The following CPB1 variants were observed in gnomAD, a reference collection of about 807,000 sequenced individuals.
The protein encoded by CPB1 is carboxypeptidase B1.
Under a neutral mutation model 51.4 loss-of-function variants are expected in CPB1, and 53 were observed. That is an observed-to-expected ratio of 1.03 (90% CI 0.83 to 1.30). The LOEUF is 1.30. Ranked by LOEUF, CPB1 falls within the 50% of genes most tolerant of loss-of-function variation. The pLI is 0.00. For missense variants in CPB1, 494 were observed against 516.2 expected, an observed-to-expected ratio of 0.96 and a Z score of 0.42; for synonymous variants, 189 against 186.9, an observed-to-expected ratio of 1.01 and a Z score of -0.09.
chr3:148,853,745 T>G (rs1025412588), intron 9 of CPB1, among the ~76,000 whole-genome samples: 5 of 152,102 alleles, frequency 3.3e-5, no homozygotes, highest in Non-Finnish European at 7.4e-5. Context: ...CAAGGAGAAG[T>G]GAAAAAGAGC....
chr3:148,833,076 A>G (rs1249432352), intron 2 of CPB1, among the ~76,000 whole-genome samples: 2 of 152,090 alleles, frequency 1.3e-5, no homozygotes, highest in Admixed American at 6.5e-5. Context: ...TCTCTCCACA[A>G]TGTTGGCTAA....
intron 9 of CPB1, chr3:148,851,707 G>A (rs185440733): frequency 5.2e-5 from 8 of 152,500 alleles, no homozygotes; most frequent in Admixed American, 1.3e-4. Flanking sequence ...AGAGAAAAGA[G>A]CCAACAAATG....
chr3:148,841,810 T>C lies in CPB1; in HGVS notation c.475-13T>C, dbSNP rs1161882106. 6.2e-7 allele frequency: 1 copy of C among 1,610,038 alleles called. No individual in the cohort carries two copies. Among genetic ancestry groups the C allele is most frequent in the African/African-American group, 1.3e-5 (1 of 74,812 alleles). ...ATGAATCATGGTTTCCCTTTTCCTT[T>C]TGTTTGCAATAGGTTGGCAAAGCTG... On this transcript the variant is annotated splice_polypyrimidine_tract_variant and intron_variant, in intron 5 of 10. Transcript: ENST00000282957.
At chr3:148,846,758 T>C (rs201863208) in intron 9 of CPB1, among the ~76,000 whole-genome samples, 98 of 384 alleles carry the variant, frequency 0.26, 3 homozygotes, top group African/African-American at 0.4. Flanking sequence ...TATATATACA[T>C]ATATATATAT....
intron 9 of CPB1, chr3:148,854,425 C>A (rs558247733): frequency 1.3e-5 from 2 of 151,458 alleles, no homozygotes; most frequent in Non-Finnish European, 2.9e-5. Flanking sequence ...CTTTTTTTGT[C>A]TTTTGGCCTT....
intron 2 of CPB1, among the ~76,000 whole-genome samples, chr3:148,832,652 C>T (rs754978081): frequency 2.0e-5 from 3 of 152,198 alleles, no homozygotes; most frequent in Non-Finnish European, 4.4e-5. Context: ...ATTATCCCAC[C>T]TGAGAGGTGA....
chr3:148,831,490 G>T (rs1008903175), intron 2 of CPB1, among the ~76,000 whole-genome samples: 4 of 152,138 alleles, frequency 2.6e-5, no homozygotes, highest in Non-Finnish European at 5.9e-5. Context: ...AAGAAAAAAA[G>T]ATCCCCAACA....
At chr3:148,833,828 G>A (rs768739650) in intron 2 of CPB1, among the ~76,000 whole-genome samples, 1 of 151,828 alleles carries the variant, frequency 6.6e-6, no homozygotes, top group African/African-American at 2.4e-5. Flanking sequence ...GCCCACTAAT[G>A]TATTCCTAGT....
chr3:148,844,406 C>T, intron 6 of CPB1, 72 bp from the exon 7 acceptor site: 1 of 1,084,584 alleles, frequency 9.2e-7, no homozygotes, highest in Non-Finnish European at 1.4e-6. Flanking sequence ...TAACATTCAA[C>T]AGTCTTTGTA....
intron 9 of CPB1, among the ~76,000 whole-genome samples, chr3:148,852,844 C>T (rs1049563728): frequency 1.3e-5 from 2 of 152,148 alleles, no homozygotes; most frequent in South Asian, 2.1e-4. Flanking sequence ...CTGTGGAAAT[C>T]GGCAGGCCTG....
chr3:148,829,269 C>CT (rs1384328133), intron 2 of CPB1, among the ~76,000 whole-genome samples: 1 of 152,088 alleles, frequency 6.6e-6, no homozygotes, highest in African/African-American at 2.4e-5. Flanking sequence ...GTCTATATTT[C>CT]TTTTTTTAAA....
intron 2 of CPB1, among the ~76,000 whole-genome samples, chr3:148,832,955 C>A (rs796836827): frequency 9.2e-5 from 14 of 152,272 alleles, no homozygotes; most frequent in African/African-American, 3.4e-4. Flanking sequence ...AAAGACATAT[C>A]TCTCTCTCCC....
chr3:148,832,260 TGAG>T (rs1712759855), intron 2 of CPB1, among the ~76,000 whole-genome samples: 1 of 152,036 alleles, frequency 6.6e-6, no homozygotes, highest in South Asian at 2.1e-4. Context: ...GGGTAAGAGC[TGAG>T]GAGGATACAG....
rs751368980 is a variant in CPB1, at chr3:148,852,235, A to G, written c.982-5222A>G. Among the ~76,000 whole-genome samples the G allele has an allele frequency of 1.3e-3, 193 of 152,308 alleles. 2 individuals are homozygous for G. The highest frequency in any genetic ancestry group is 0.01 in the Middle Eastern group (3 of 294). On this transcript the variant is annotated intron_variant, in intron 9 of 10. Coordinates refer to ENST00000282957, the MANE Select transcript of CPB1 (RefSeq NM_001871.3). ...TTCCTAAAATAAATTCTAGTTTACCATAACTAAATATTTTATATGACTTCC... is the reference window on the plus strand; with the variant it reads ...TTCCTAAAATAAATTCTAGTTTACCGTAACTAAATATTTTATATGACTTCC...
At chr3:148,857,597 A>G in intron 10 of CPB1, 56 bp downstream of exon 10, 1 of 1,376,854 alleles carries the variant, frequency 7.3e-7, no homozygotes, top group Non-Finnish European at 1.0e-6. Flanking sequence ...AGCCAACGAA[A>G]GGTTCCTGGG....
In CPB1 at chr3:148,859,859, A is replaced by T; in HGVS notation, c.1111A>T (p.Ile371Phe). The T allele has an allele frequency of 1.9e-6, 3 of 1,614,106 alleles. No homozygotes were observed. Among genetic ancestry groups the T allele is most frequent in the Non-Finnish European group, 2.5e-6 (3 of 1,179,984 alleles). The change falls in exon 11 of 11, where the codon ATC becomes TTC. Residue 371 changes from isoleucine (I) to phenylalanine (F), a missense_variant. Physicochemically the swap from Ile to Phe is conservative, Grantham distance 21. Transcript: ENST00000282957. Reference sequence around the variant, plus strand: ...TGACGACTGGGCTTATGACCAAGGAATCAGATATTCCTTCACCTTTGAACT... The same window carrying T: ...TGACGACTGGGCTTATGACCAAGGATTCAGATATTCCTTCACCTTTGAACT... Reference protein sequence around the residue: ...GSDDWAYDQGIRYSFTFELRD... With the variant: ...GSDDWAYDQGFRYSFTFELRD...
chr3:148,840,768 TACA>T lies in CPB1; in HGVS notation c.360_362del (p.Asn120del), dbSNP rs1262275479. ...TGCAACAGGACACAGTTATGAGAAG[TACA>T]ACAAGTGGGAAACGGTATGATGTGC... On this transcript the variant is annotated inframe_deletion, in exon 4 of 11. Transcript: ENST00000282957. 4.3e-6 allele frequency: 7 copies of T among 1,614,004 alleles called. No homozygotes were observed. The highest frequency in any genetic ancestry group is 1.6e-4 in the Middle Eastern group (1 of 6,084).
chr3:148,845,959 A>T lies in CPB1; in HGVS notation c.981+333A>T, dbSNP rs928336341. On this transcript the variant is annotated intron_variant, in intron 9 of 10. Transcript: ENST00000282957. ...TCAACAAAGTTGCTTGATCACATAC[A>T]TATTTTTTTTTCAGTCAGTTTTGTG... Among the ~76,000 whole-genome samples the T allele has an allele frequency of 2.6e-5, 4 of 152,256 alleles. No homozygotes were observed. In the East Asian group the frequency reaches 7.7e-4, roughly 29 times the overall value.
intron 3 of CPB1, among the ~76,000 whole-genome samples, 188 bp downstream of exon 3, chr3:148,834,810 T>A (rs919053694): frequency 6.6e-6 from 1 of 152,140 alleles, no homozygotes; most frequent in African/African-American, 2.4e-5. Flanking sequence ...GATTTTGTGT[T>A]TAGTTATTGC....
Sources: allele counts gnomAD v4.1 joint callset (sites outside exome capture counted in the v4.1 genomes callset), GRCh38; gene constraint gnomAD v4.1.1; transcripts MANE v1.5; gene names NCBI Gene and HGNC (gene_info 2026-07-23, HGNC 2026-07-21).